The following JHY variants were observed in gnomAD, a reference collection of about 807,000 sequenced individuals.
The protein encoded by JHY is jhy protein homolog.
Under a neutral mutation model 78.0 loss-of-function variants are expected in JHY, and 69 were observed. The observed-to-expected ratio is 0.88, with a 90% confidence interval of 0.73 to 1.08. JHY has a LOEUF of 1.08. JHY is among the 50% of genes least tolerant of loss of function. JHY has a pLI of 0.00. For synonymous variants in JHY, 368 were observed against 342.6 expected (o/e 1.07, Z -0.82); for missense variants, 944 against 927.8 (o/e 1.02, Z -0.23).
chr11:122,961,048 A>G lies in JHY; in HGVS notation c.*1603A>G, dbSNP rs1487702956. ...ATTGCCAAGTGCATTTGGGACCTAA[A>G]GCTGTTGGCAAAGAAGACTCATGCA... On this transcript the variant is annotated 3_prime_UTR_variant, in exon 9 of 9. Transcript: ENST00000227349. 1 of 1,064,300 alleles carries G rather than the reference A, an allele frequency of 9.4e-7. No individual in the cohort carries two copies. The highest frequency in any genetic ancestry group is 1.6e-5 in the African/African-American group (1 of 63,974). 65.9% of individuals were successfully genotyped at this position (1,064,300 alleles called of 1,614,324 possible). A position where few individuals can be genotyped will look rare whatever the true frequency, so the allele number is the denominator to read the frequency against.
In JHY at chr11:122,961,006, A is replaced by C; in HGVS notation, c.*1561A>C. On this transcript the variant is annotated 3_prime_UTR_variant, in exon 9 of 9. Coordinates refer to ENST00000227349, the MANE Select transcript of JHY (RefSeq NM_024806.4). ...AATTGGGTGCAGAGCATCTCTGCAC[A>C]ACAGGAAAAGGAGACAATTGCCAAG... 2.0e-6 allele frequency: 2 copies of C among 982,930 alleles called. No individual in the cohort carries two copies. The highest frequency in any genetic ancestry group is 5.0e-5 in the East Asian group (2 of 40,164). The allele number at this position is 982,930 out of a possible 1,614,324, so 60.9% of individuals were successfully genotyped here. A position where few individuals can be genotyped will look rare whatever the true frequency, so the allele number is the denominator to read the frequency against.
At chr11:122,945,390 C>A (rs969500605) in intron 5 of JHY, among the ~76,000 whole-genome samples, 1 of 152,098 alleles carries the variant, frequency 6.6e-6, no homozygotes, top group Admixed American at 6.6e-5. Flanking sequence ...ATATGTTTCT[C>A]AGGTTCTTAG....
rs930981 is a variant in JHY, at chr11:122,963,557, T to C, written c.*4112T>C. 0.35 allele frequency among the ~76,000 whole-genome samples: 53,374 copies of C among 151,872 alleles called. 10,134 individuals carry two copies. The highest frequency in any genetic ancestry group is 0.43 in the Non-Finnish European group (29,055 of 67,884). ...ACTACCATAAAACTAAGGGGAGAGA[T>C]TTTGCAAAAACAGGGAGTGACAGAC... On this transcript the variant is annotated 3_prime_UTR_variant, in exon 9 of 9. Coordinates refer to ENST00000227349, the MANE Select transcript of JHY (RefSeq NM_024806.4).
chr11:122,901,126 G>C (rs1399622789), intron 2 of JHY, among the ~76,000 whole-genome samples: 2 of 152,178 alleles, frequency 1.3e-5, no homozygotes, highest in Non-Finnish European at 2.9e-5. Context: ...TGTGCAATGT[G>C]TTACTATACT....
Position 122,934,889 on chromosome 11 carries a change from A to G in JHY, c.1448A>G (p.Gln483Arg). Residue 483 changes from glutamine to arginine, a missense_variant, in exon 5 of 9, where the codon CAG becomes CGG. Gln to Arg is a conservative substitution (Grantham distance 43). Transcript: ENST00000227349. The stretch of plus-strand genomic sequence containing the variant: ...CAAGAAGAGAAAAGATTTTCATATC[A>G]GCAGCTACACACCCTTTCTGACATG... ...KDQEEKRFSYQQLHTLSDMDL... is the reference protein window; with the variant it reads ...KDQEEKRFSYRQLHTLSDMDL... 6.2e-7 allele frequency: 1 copy of G among 1,614,144 alleles called. No homozygotes were observed. Among genetic ancestry groups the G allele is most frequent in the Admixed American group, 1.7e-5 (1 of 60,008 alleles).
chr11:122,915,332 G>A (rs535316352), intron 3 of JHY, among the ~76,000 whole-genome samples: 35 of 152,180 alleles, frequency 2.3e-4, no homozygotes, highest in African/African-American at 7.7e-4. Flanking sequence ...GGCAGAATGG[G>A]AAGCAGACAT....
chr11:122,893,690 A>G (rs1862674190), intron 2 of JHY, among the ~76,000 whole-genome samples: 1 of 152,198 alleles, frequency 6.6e-6, no homozygotes, highest in Admixed American at 6.5e-5. Context: ...AAGTTTGAAA[A>G]TATAGAAAAC....
Position 122,961,396 on chromosome 11 carries a change from G to A in JHY, c.*1951G>A, listed in dbSNP as rs1281915106. ...GGCTGGAGTGCAGTGGCACAATCTC[G>A]GTTCACTGCAACTCCGCCTCCTGGA... is the stretch of plus-strand genomic sequence containing the variant. On this transcript the variant is annotated 3_prime_UTR_variant, in exon 9 of 9. Transcript: ENST00000227349. Among the ~76,000 whole-genome samples the A allele has an allele frequency of 1.8e-5, 2 of 108,606 alleles. No homozygotes were observed. Among genetic ancestry groups the A allele is most frequent in the Non-Finnish European group, 2.2e-5 (1 of 45,636 alleles). 71.2% of individuals were successfully genotyped at this position (108,606 alleles called of 152,430 possible).
chr11:122,907,289 T>G (rs1028073815), intron 3 of JHY, among the ~76,000 whole-genome samples: 3 of 151,968 alleles, frequency 2.0e-5, no homozygotes, highest in Non-Finnish European at 4.4e-5. Context: ...TAGACGTGTG[T>G]GTGTCTCTCC....
At chr11:122,916,322 T>C (rs1204404109) in intron 3 of JHY, among the ~76,000 whole-genome samples, 2 of 152,186 alleles carry the variant, frequency 1.3e-5, no homozygotes, top group Admixed American at 1.3e-4. Context: ...TATATATTAA[T>C]ACAATTTTGT....
At position 122,948,468 on chromosome 11, in the gene JHY, A is replaced by AATAATAATCATAATC. The variant is rs1555059949; in HGVS notation, c.1929+1684_1929+1685insCATAATCATAATAAT. Among the ~76,000 whole-genome samples the AATAATAATCATAATC allele has an allele frequency of 2.0e-3, 304 of 148,364 alleles. 1 individual carries two copies. The highest frequency in any genetic ancestry group is 7.1e-3 in the African/African-American group (284 of 40,000). The stretch of plus-strand genomic sequence containing the variant: ...TAATAATAATAATAATAATAATAAT[A>AATAATAATCATAATC]ATAATAATAATGATTTCTACTAGGA... On this transcript the variant is annotated intron_variant, in intron 6 of 8. Coordinates refer to ENST00000227349, the MANE Select transcript of JHY (RefSeq NM_024806.4).
chr11:122,934,030 G>C (rs1383149763), intron 4 of JHY, among the ~76,000 whole-genome samples: 2 of 152,028 alleles, frequency 1.3e-5, no homozygotes, highest in Non-Finnish European at 2.9e-5. Context: ...CCCATTCTAA[G>C]CTTTCTATTT....
intron 5 of JHY, among the ~76,000 whole-genome samples, chr11:122,945,272 G>A (rs1210320373): frequency 6.6e-6 from 1 of 152,034 alleles, no homozygotes; most frequent in Non-Finnish European, 1.5e-5. Context: ...GCTCTTTAAT[G>A]TATCCACTGA....
At chr11:122,926,937 T>C (rs1401911074) in intron 4 of JHY, 1 of 152,228 alleles carries the variant, frequency 6.6e-6, no homozygotes, top group African/African-American at 2.4e-5. Context: ...AAAAATACAT[T>C]TGAAGCATGT....
intron 4 of JHY, among the ~76,000 whole-genome samples, chr11:122,927,681 C>A (rs1863537939): frequency 1.3e-5 from 2 of 152,062 alleles, no homozygotes; most frequent in Admixed American, 6.6e-5. Flanking sequence ...CCATATTGGG[C>A]CGTGTCTCAT....
chr11:122,957,432 A>G lies in JHY; in HGVS notation c.2080A>G (p.Ile694Val). 2.6e-6 allele frequency: 4 copies of G among 1,537,420 alleles called. No individual in the cohort carries two copies. The highest frequency in any genetic ancestry group is 3.5e-6 in the Non-Finnish European group (4 of 1,153,858). Residue 694 changes from isoleucine (I) to valine (V), a missense_variant, in exon 8 of 9, where the codon ATT (isoleucine) becomes GTT (valine). Physicochemically the swap from Ile to Val is conservative, Grantham distance 29 (BLOSUM62 3). Coordinates refer to ENST00000227349, the MANE Select transcript of JHY (RefSeq NM_024806.4). ...GGAGTACAACATGAAGACACTATCC[A>G]TTCTATCAAAACCACAAACAGAAAA... ...VKEYNMKTLS[I>V]LSKPQTEKTQ...
intron 2 of JHY, among the ~76,000 whole-genome samples, chr11:122,890,139 G>T (rs1862581012): frequency 6.6e-6 from 1 of 151,904 alleles, no homozygotes; most frequent in Non-Finnish European, 1.5e-5. Context: ...TGACAGATTA[G>T]ATATGAGGAT....
rs577945392 is a variant in JHY at position 122,906,001 on chromosome 11, T to G, written c.864+1557T>G. The G allele has an allele frequency of 1.3e-4, 20 of 152,162 alleles. No homozygotes were observed. The East Asian group carries it at 3.9e-3, about 29-fold the overall frequency. 9.4% of individuals were successfully genotyped at this position (152,162 alleles called of 1,614,324 possible). ...ACATCTTTGCCACTGTAACTAATAA[T>G]TAAATGAAATAGGTGTAGTATATAT... On this transcript the variant is annotated intron_variant, in intron 3 of 8. Transcript: ENST00000227349.
chr11:122,910,264 C>G (rs1863084040), intron 3 of JHY, among the ~76,000 whole-genome samples: 1 of 152,026 alleles, frequency 6.6e-6, no homozygotes, highest in Non-Finnish European at 1.5e-5. Flanking sequence ...CACTTGAGGT[C>G]ACAAGTTTGA....
Sources: gnomAD v4.1 joint callset for allele counts (sites outside exome capture counted in the v4.1 genomes callset) on GRCh38, gnomAD v4.1.1 for gene constraint, MANE v1.5 for transcripts, NCBI Gene and HGNC (gene_info 2026-07-23, HGNC 2026-07-21) for gene names.